THSD4: variants seen among roughly 807,000 people sequenced by gnomAD.
THSD4 encodes thrombospondin type 1 domain containing 4, also known as thrombospondin type-1 domain-containing protein 4.
THSD4 carries 69 observed loss-of-function variants against 119.0 expected under a neutral mutation model. The ratio of observed to expected loss-of-function variants is 0.58; its 90% CI spans 0.48 to 0.71. The LOEUF (loss-of-function observed/expected upper bound fraction) is 0.71, where lower values mean the gene tolerates loss of function less well. Ranked by LOEUF, THSD4 falls within the 30% of genes least tolerant of loss-of-function variation. The pLI is 0.00. For missense variants in THSD4, 1,393 were observed against 1,391.1 expected, an observed-to-expected ratio of 1.00 and a Z score of -0.02; for synonymous variants, 524 against 540.4, an observed-to-expected ratio of 0.97 and a Z score of 0.42.
intron 7 of THSD4, among the ~76,000 whole-genome samples, chr15:71,579,888 A>G (rs2049525291): frequency 6.6e-6 from 1 of 151,994 alleles, no homozygotes; most frequent in Admixed American, 6.6e-5. Flanking sequence ...GTGGCTTAAA[A>G]CACATAAACG....
intron 3 of THSD4, among the ~76,000 whole-genome samples, chr15:71,181,523 C>G (rs908754592): frequency 1.3e-5 from 2 of 152,110 alleles, no homozygotes; most frequent in African/African-American, 2.4e-5. Context: ...CCAGGATTCC[C>G]CTTCAAATCT....
intron 6 of THSD4, among the ~76,000 whole-genome samples, chr15:71,342,049 T>C (rs1358029662): frequency 6.6e-6 from 1 of 151,982 alleles, no homozygotes; most frequent in African/African-American, 2.4e-5. Context: ...TAACAGGAGA[T>C]GGGGAGGGGT....
At chr15:71,124,236 G>A (rs998186191) in intron 1 of THSD4, among the ~76,000 whole-genome samples, 1 of 152,220 alleles carries the variant, frequency 6.6e-6, no homozygotes, top group Non-Finnish European at 1.5e-5. Context: ...TGCAAAAGAA[G>A]CCATAGACAA....
At chr15:71,564,054 C>T (rs566248484) in intron 7 of THSD4, among the ~76,000 whole-genome samples, 4 of 152,064 alleles carry the variant, frequency 2.6e-5, no homozygotes, top group Non-Finnish European at 4.4e-5. Flanking sequence ...TTTGCAGCAT[C>T]GTAGAATAGA....
At chr15:71,322,679 A>G (rs1434077436) in intron 6 of THSD4, among the ~76,000 whole-genome samples, 3 of 152,156 alleles carry the variant, frequency 2.0e-5, no homozygotes, top group Admixed American at 6.5e-5. Flanking sequence ...CTTCCAAAGT[A>G]GCTCACTCCC....
intron 7 of THSD4, among the ~76,000 whole-genome samples, chr15:71,529,650 A>G (rs1345150929): frequency 1.3e-5 from 2 of 152,032 alleles, no homozygotes; most frequent in African/African-American, 4.8e-5. Context: ...AATAAAAGTA[A>G]TTTTTTTTCT....
intron 8 of THSD4, among the ~76,000 whole-genome samples, chr15:71,704,706 A>C (rs1339362627): frequency 6.6e-6 from 1 of 152,228 alleles, no homozygotes; most frequent in Non-Finnish European, 1.5e-5. Flanking sequence ...TGAACCAGGC[A>C]CTTGGTCCTG....
chr15:71,681,506 A>C (rs1045134146), intron 8 of THSD4, among the ~76,000 whole-genome samples: 8 of 151,580 alleles, frequency 5.3e-5, no homozygotes, highest in Non-Finnish European at 7.4e-5. Flanking sequence ...GGGAAATCCT[A>C]TCTCCACTAA....
chr15:71,377,892 A>C (rs866635158), intron 6 of THSD4, among the ~76,000 whole-genome samples: 2,173 of 84,026 alleles, frequency 0.026, 69 homozygotes, highest in African/African-American at 0.086. Context: ...ACACACACAC[A>C]CACACACACA....
At chr15:71,339,001 G>A (rs1420199668) in intron 6 of THSD4, among the ~76,000 whole-genome samples, 1 of 152,106 alleles carries the variant, frequency 6.6e-6, no homozygotes, top group East Asian at 1.9e-4. Context: ...GTTAAAAGCA[G>A]GCTCCTTGCA....
chr15:71,454,846 C>T (rs1298180478), intron 7 of THSD4, among the ~76,000 whole-genome samples: 1 of 152,150 alleles, frequency 6.6e-6, no homozygotes, highest in Non-Finnish European at 1.5e-5. Context: ...CTAAGACATG[C>T]TAAATTGACT....
chr15:71,326,920 C>A (rs2045353095), intron 6 of THSD4, among the ~76,000 whole-genome samples: 1 of 150,360 alleles, frequency 6.7e-6, no homozygotes, highest in Admixed American at 6.7e-5. Flanking sequence ...GTAATCCTAG[C>A]GCTTTGGGAG....
At chr15:71,113,247 G>A (rs1334418006), upstream of THSD4, among the ~76,000 whole-genome samples, 1 of 152,196 alleles carries the variant, frequency 6.6e-6, no homozygotes, top group African/African-American at 2.4e-5. Flanking sequence ...AGACTTTCTT[G>A]TGACATATAA....
At chr15:71,651,647 CTT>C (rs35956806) in intron 7 of THSD4, among the ~76,000 whole-genome samples, 26 of 148,914 alleles carry the variant, frequency 1.7e-4, no homozygotes, top group African/African-American at 4.9e-4. Context: ...TTTCACCCAC[CTT>C]TTTTTTTTTG....
chr15:71,230,985 G>A (rs2044056089), intron 4 of THSD4, among the ~76,000 whole-genome samples: 1 of 152,138 alleles, frequency 6.6e-6, no homozygotes. Context: ...CATCCTTGCA[G>A]CCTCTCCACC....
chr15:71,683,773 G>C (rs1321738638), intron 8 of THSD4, among the ~76,000 whole-genome samples: 2 of 152,130 alleles, frequency 1.3e-5, no homozygotes. Context: ...TCAGGAGTTT[G>C]AGAACAACCT....
intron 2 of THSD4, among the ~76,000 whole-genome samples, chr15:71,146,705 C>T (rs951095540): frequency 3.3e-5 from 5 of 152,080 alleles, no homozygotes; most frequent in Non-Finnish European, 5.9e-5. Flanking sequence ...AAGAATCGGC[C>T]GCAGTCTTGT....
At chr15:71,519,126 T>C (rs972089205) in intron 7 of THSD4, among the ~76,000 whole-genome samples, 1 of 152,052 alleles carries the variant, frequency 6.6e-6, no homozygotes, top group Non-Finnish European at 1.5e-5. Context: ...ACCTGAGTGA[T>C]ATGAAGGATC....
At chr15:71,237,057 A>C (rs921690685) in intron 4 of THSD4, among the ~76,000 whole-genome samples, 1 of 152,318 alleles carries the variant, frequency 6.6e-6, no homozygotes, top group Admixed American at 6.5e-5. Flanking sequence ...GAGGAGGTAC[A>C]AGTGGTGTGG....
Sources: gnomAD v4.1 joint callset for allele counts (sites outside exome capture counted in the v4.1 genomes callset) on GRCh38, gnomAD v4.1.1 for gene constraint, MANE v1.5 for transcripts, NCBI Gene and HGNC (gene_info 2026-07-23, HGNC 2026-07-21) for gene names.